CHLSN: variants seen among roughly 807,000 people sequenced by gnomAD.
CHLSN encodes the protein cholesin.
the CHLSN span, among the ~76,000 whole-genome samples, chr7:1,069,068 C>T: frequency 1.3e-5 from 2 of 152,328 alleles, no homozygotes; most frequent in Non-Finnish European, 2.9e-5. Context: ...CGCGGTGGCT[C>T]ATGCCTGTAA....
the CHLSN span, among the ~76,000 whole-genome samples, chr7:1,133,444 A>T: frequency 1.8e-3 from 271 of 151,212 alleles, 3 homozygotes; most frequent in African/African-American, 6.4e-3. Context: ...TTTACCATAA[A>T]TTTAAAAATG....
chr7:996,149 G>A, the CHLSN span, among the ~76,000 whole-genome samples: 2 of 152,212 alleles, frequency 1.3e-5, no homozygotes, highest in Admixed American at 6.5e-5. Context: ...TGCAGGCCCC[G>A]AGGGCCACGG....
At chr7:1,131,258 G>T in the CHLSN span, among the ~76,000 whole-genome samples, 1 of 150,900 alleles carries the variant, frequency 6.6e-6, no homozygotes, top group African/African-American at 2.4e-5. Context: ...AGTTTAAAAA[G>T]CATGATCATC....
At chr7:1,059,187 A>G in the CHLSN span, 2 of 167,876 alleles carry the variant, frequency 1.2e-5, no homozygotes, top group Non-Finnish European at 2.9e-5. Context: ...GGTTTTTTTC[A>G]GTATGAACCT....
the CHLSN span, among the ~76,000 whole-genome samples, chr7:1,111,615 C>T: frequency 3.2e-3 from 490 of 152,256 alleles, no homozygotes; most frequent in African/African-American, 7.9e-3. Flanking sequence ...GCCTAGGCAA[C>T]GTAGGGAGAC....
At chr7:1,015,693 C>T in the CHLSN span, among the ~76,000 whole-genome samples, 1 of 152,184 alleles carries the variant, frequency 6.6e-6, no homozygotes, top group Non-Finnish European at 1.5e-5. Flanking sequence ...CAGGACTAAC[C>T]CAGAGGGCCA....
the CHLSN span, among the ~76,000 whole-genome samples, chr7:1,030,535 T>C: frequency 6.6e-6 from 1 of 152,336 alleles, no homozygotes; most frequent in East Asian, 1.9e-4. Context: ...CCCTGCTCTT[T>C]GCACTTCACA....
the CHLSN span, among the ~76,000 whole-genome samples, chr7:1,050,596 C>A: frequency 6.6e-6 from 1 of 152,208 alleles, no homozygotes; most frequent in Non-Finnish European, 1.5e-5. Flanking sequence ...CGGACGGACG[C>A]GGGAGAGCCT....
At chr7:1,126,870 T>A in the CHLSN span, among the ~76,000 whole-genome samples, 1 of 152,124 alleles carries the variant, frequency 6.6e-6, no homozygotes, top group African/African-American at 2.4e-5. Context: ...TAGATGTGCA[T>A]TTTTAAACAC....
At chr7:1,093,265 A>G in the CHLSN span, 1 of 450,132 alleles carries the variant, frequency 2.2e-6, no homozygotes, top group Non-Finnish European at 4.6e-6. Context: ...GGAACCCTAA[A>G]GCAAATCTGC....
At chr7:996,474 A>G in the CHLSN span, among the ~76,000 whole-genome samples, 13 of 152,154 alleles carry the variant, frequency 8.5e-5, no homozygotes, top group Non-Finnish European at 1.8e-4. Context: ...CGGCAGCACA[A>G]ACCCCCAACC....
At chr7:1,000,432 A>G in the CHLSN span, 2 of 1,061,252 alleles carry the variant, frequency 1.9e-6, no homozygotes, top group Non-Finnish European at 2.6e-6. Flanking sequence ...CACAGACCTC[A>G]GCCCCCAGGA....
the CHLSN span, among the ~76,000 whole-genome samples, chr7:1,077,235 A>G: frequency 6.6e-6 from 1 of 152,156 alleles, no homozygotes; most frequent in East Asian, 1.9e-4. Flanking sequence ...GGCTCACCGC[A>G]AGCTCCGCCT....
At chr7:1,016,653 A>ACACGCCAGCG in the CHLSN span, among the ~76,000 whole-genome samples, 1 of 77,024 alleles carries the variant, frequency 1.3e-5, no homozygotes, top group African/African-American at 7.6e-5. Flanking sequence ...GCACAGCAGC[A>ACACGCCAGCG]CACAGCAGCG....
At chr7:1,074,366 C>A in the CHLSN span, 1 of 145,562 alleles carries the variant, frequency 6.9e-6, no homozygotes, top group Non-Finnish European at 1.5e-5. Flanking sequence ...CTGGCGCCTT[C>A]CTCCCTCCCC....
chr7:1,087,317 C>G, the CHLSN span: 75 of 152,340 alleles, frequency 4.9e-4, no homozygotes, highest in African/African-American at 1.8e-3. Flanking sequence ...GAGAAAACTA[C>G]CGGCTGAGGG....
chr7:1,000,961 C>T, the CHLSN span, among the ~76,000 whole-genome samples: 1 of 152,146 alleles, frequency 6.6e-6, no homozygotes, highest in African/African-American at 2.4e-5. Flanking sequence ...GGAACAATAC[C>T]CTGAGTCCCA....
chr7:1,070,546 A>G, the CHLSN span, among the ~76,000 whole-genome samples: 48 of 145,296 alleles, frequency 3.3e-4, no homozygotes, highest in African/African-American at 1.0e-3. Flanking sequence ...GTGCACAGGG[A>G]CACACGCACA....
chr7:1,000,494 C>A, the CHLSN span: 1 of 1,607,736 alleles, frequency 6.2e-7, no homozygotes, highest in Non-Finnish European at 8.5e-7. Context: ...ACATGTGCAG[C>A]AGGAGCCACG....
Sources: allele counts gnomAD v4.1 joint callset (sites outside exome capture counted in the v4.1 genomes callset), GRCh38; gene constraint gnomAD v4.1.1; transcripts MANE v1.5; gene names NCBI Gene and HGNC (gene_info 2026-07-23, HGNC 2026-07-21).